The following SMAD1 variants were observed in gnomAD, a reference collection of about 807,000 sequenced individuals.
The protein encoded by SMAD1 is SMAD family member 1.
A neutral mutation model predicts 41.6 loss-of-function variants in SMAD1; 6 were observed. The observed-to-expected ratio is 0.14, with a 90% CI of 0.08 to 0.28. SMAD1 has a LOEUF of 0.28. SMAD1 is among the 10% of genes least tolerant of loss of function. The pLI is 1.00. For missense variants in SMAD1, 379 were observed against 582.6 expected, an observed-to-expected ratio of 0.65 and a Z score of 3.60; for synonymous variants, 206 against 203.2, an observed-to-expected ratio of 1.01 and a Z score of -0.12.
intron 2 of SMAD1, among the ~76,000 whole-genome samples, chr4:145,530,671 GAA>G (rs1265157826): frequency 6.6e-6 from 1 of 152,058 alleles, no homozygotes; most frequent in Non-Finnish European, 1.5e-5. Flanking sequence ...TATACTCCCA[GAA>G]AGTAAATACT....
chr4:145,547,203 AT>A (rs1732296219), intron 5 of SMAD1, among the ~76,000 whole-genome samples: 1 of 152,258 alleles, frequency 6.6e-6, no homozygotes, highest in Admixed American at 6.5e-5. Flanking sequence ...TGCAGAATAA[AT>A]TGGCTGTTAT....
intron 5 of SMAD1, among the ~76,000 whole-genome samples, chr4:145,550,733 C>G (rs978712383): frequency 2.0e-5 from 3 of 152,138 alleles, no homozygotes; most frequent in Non-Finnish European, 2.9e-5. Context: ...TTCCTTTAAT[C>G]TGGTAATAAC....
intron 5 of SMAD1, among the ~76,000 whole-genome samples, chr4:145,550,662 A>G (rs989275946): frequency 1.3e-5 from 2 of 152,206 alleles, no homozygotes; most frequent in African/African-American, 4.8e-5. Context: ...TATTCAAATG[A>G]TATGATTATT....
intron 2 of SMAD1, among the ~76,000 whole-genome samples, chr4:145,528,042 G>A (rs1018940120): frequency 1.0e-4 from 15 of 147,108 alleles, no homozygotes; most frequent in African/African-American, 2.3e-4. Context: ...TACCACTCTC[G>A]GCTAATTTTT....
intron 3 of SMAD1, among the ~76,000 whole-genome samples, chr4:145,540,839 A>G (rs1401930841): frequency 6.6e-6 from 1 of 152,148 alleles, no homozygotes; most frequent in Non-Finnish European, 1.5e-5. Flanking sequence ...CGGAAGGGAA[A>G]ATGACTGGGC....
chr4:145,512,954 C>G (rs1271459058), intron 1 of SMAD1, among the ~76,000 whole-genome samples: 1 of 152,150 alleles, frequency 6.6e-6, no homozygotes, highest in East Asian at 1.9e-4. Flanking sequence ...TTCATTTTTG[C>G]CCTTAGACTG....
At chr4:145,543,740 C>T (rs769379057) in intron 4 of SMAD1, among the ~76,000 whole-genome samples, 4 of 152,196 alleles carry the variant, frequency 2.6e-5, no homozygotes, top group Admixed American at 2.0e-4. Flanking sequence ...GGTAGACTCT[C>T]TGAGAAATCT....
chr4:145,556,495 C>T (rs937791054), intron 6 of SMAD1, among the ~76,000 whole-genome samples: 2 of 151,866 alleles, frequency 1.3e-5, no homozygotes, highest in Non-Finnish European at 2.9e-5. Flanking sequence ...CTCGCTCTGT[C>T]GCCCAGGCTG....
chr4:145,546,637 C>CA, intron 4 of SMAD1, 66 bp from the exon 5 acceptor site: 1 of 1,123,494 alleles, frequency 8.9e-7, no homozygotes, highest in Admixed American at 1.7e-5. Flanking sequence ...AATTCAACAA[C>CA]ACGGTTTCAG....
At chr4:145,492,940 TA>T (rs1728853674) in intron 1 of SMAD1, among the ~76,000 whole-genome samples, 1 of 152,248 alleles carries the variant, frequency 6.6e-6, no homozygotes, top group Non-Finnish European at 1.5e-5. Context: ...CTAACTGAAT[TA>T]CATTCAGCCT....
In SMAD1 at chr4:145,482,144, T is replaced by TGG. The variant is rs1728213693; in HGVS notation, c.-177+109_-177+110dup. 6.9e-6 allele frequency: 1 copy of TGG among 144,658 alleles called. No homozygotes were observed. The highest frequency in any genetic ancestry group is 1.5e-5 in the Non-Finnish European group (1 of 65,810). 9.0% of individuals were successfully genotyped at this position (144,658 alleles called of 1,614,324 possible). ...GCCGCCGCCGCCGTCTCTGCACGCG[T>TGG]GGGGCCGCCGCGGTCGTGCTGGGCT... On this transcript the variant is annotated intron_variant, in intron 1 of 6. Transcript: ENST00000302085. The surrounding 1 kb of genome is among the most constrained non-coding windows in gnomAD (Gnocchi z 4.2).
intron 6 of SMAD1, 126 bp from the exon 7 acceptor site, chr4:145,557,665 C>T (rs941767853): frequency 1.7e-5 from 11 of 636,854 alleles, no homozygotes; most frequent in South Asian, 7.5e-5. Flanking sequence ...TCCCCAGGGG[C>T]GGGGGGGTCA....
chr4:145,500,565 C>CAAA (rs1334289921), intron 1 of SMAD1, among the ~76,000 whole-genome samples: 1 of 152,152 alleles, frequency 6.6e-6, no homozygotes, highest in Non-Finnish European at 1.5e-5. Flanking sequence ...GAGGCTTTCC[C>CAAA]TGACCACCAG....
rs1728252465 is a variant in SMAD1 at position 145,482,605 on chromosome 4, C to A, written c.-177+567C>A. 1 of 152,230 alleles carries A rather than the reference C, an allele frequency of 6.6e-6. No individual in the cohort carries two copies. Among genetic ancestry groups the A allele is most frequent in the African/African-American group, 2.4e-5 (1 of 41,464 alleles). 9.4% of individuals were successfully genotyped at this position (152,230 alleles called of 1,614,324 possible). ...GGGCGGGGGACCCCGGCGCCCCGGG[C>A]CCCTCCACATCCCGCACGGGTTTTC... On this transcript the variant is annotated intron_variant, in intron 1 of 6. Coordinates refer to ENST00000302085, the MANE Select transcript of SMAD1 (RefSeq NM_005900.3). This position sits in a 1 kb window ranked among gnomAD's most constrained non-coding sequence, Gnocchi z 4.2.
At position 145,558,079 on chromosome 4, in the gene SMAD1, C is replaced by CAA. The variant is rs34142651; in HGVS notation, c.*159_*160dup. On this transcript the variant is annotated 3_prime_UTR_variant, in exon 7 of 7. Coordinates refer to ENST00000302085, the MANE Select transcript of SMAD1 (RefSeq NM_005900.3). ...CAACTGTTGGATTCAGAAATTTAAA[C>CAA]AAAAAAAAAAAAAAACACACACACC... The CAA allele has an allele frequency of 0.015, 4,392 of 285,424 alleles. 10 individuals carry two copies. The highest frequency in any genetic ancestry group is 0.02 in the Non-Finnish European group (3,227 of 161,456). 17.7% of individuals were successfully genotyped at this position (285,424 alleles called of 1,614,324 possible).
chr4:145,536,028 T>G (rs1468205117), intron 2 of SMAD1, among the ~76,000 whole-genome samples: 1 of 151,940 alleles, frequency 6.6e-6, no homozygotes, highest in African/African-American at 2.4e-5. Flanking sequence ...AAAACTTGTC[T>G]TAGTAGGTTT....
intron 2 of SMAD1, among the ~76,000 whole-genome samples, chr4:145,527,804 G>C (rs1731107614): frequency 6.6e-6 from 1 of 151,858 alleles, no homozygotes. Context: ...TGGATTGCGA[G>C]TCCACATCTG....
chr4:145,534,512 A>T (rs1731504310), intron 2 of SMAD1, among the ~76,000 whole-genome samples: 1 of 152,242 alleles, frequency 6.6e-6, no homozygotes, highest in African/African-American at 2.4e-5. Flanking sequence ...CCCCTATCGG[A>T]TATTAAAATC....
In SMAD1 at chr4:145,546,790, A is replaced by G. The variant is rs143636122; in HGVS notation, c.863A>G (p.His288Arg). 37 of 1,613,964 alleles carry G rather than the reference A, an allele frequency of 2.3e-5. No homozygotes were observed. The highest frequency in any genetic ancestry group is 2.7e-5 in the African/African-American group (2 of 74,916). ...AACAATCGTGTGGGTGAAGCGTTCC[A>G]TGCCTCCTCCACAAGTGTGTTGGTG... Reference protein sequence around the residue: ...ELNNRVGEAFHASSTSVLVDG... With the variant: ...ELNNRVGEAFRASSTSVLVDG... The change falls in exon 5 of 7, where the codon CAT becomes CGT. Residue 288 changes from histidine (H) to arginine (R), a missense_variant. By Grantham distance (29) the His-to-Arg change is conservative. Transcript: ENST00000302085.
Sources: gnomAD v4.1 joint callset for allele counts (sites outside exome capture counted in the v4.1 genomes callset) on GRCh38, gnomAD v4.1.1 for gene constraint, Gnocchi (gnomAD v3.1) non-coding constraint, MANE v1.5 for transcripts, NCBI Gene and HGNC (gene_info 2026-07-23, HGNC 2026-07-21) for gene names.